Variants in BFSP2 observed in about 807,000 individuals in gnomAD.
BFSP2 encodes beaded filament structural protein 2, also known as phakinin.
In BFSP2, 38 loss-of-function variants were observed where a neutral mutation model predicts 44.9. The observed-to-expected ratio is 0.85, with a 90% confidence interval of 0.65 to 1.11. BFSP2 has a LOEUF of 1.11. Ranked by LOEUF, BFSP2 falls within the 50% of genes least tolerant of loss-of-function variation. BFSP2 has a pLI of 0.00. For missense variants in BFSP2, 525 were observed against 533.0 expected (o/e 0.99, Z 0.15); for synonymous variants, 197 against 209.9 (o/e 0.94, Z 0.53).
At chr3:133,432,991 C>T (rs145234493) in intron 1 of BFSP2, among the ~76,000 whole-genome samples, 2,661 of 152,254 alleles carry the variant, frequency 0.017, 66 homozygotes, top group Non-Finnish European at 0.026. Flanking sequence ...CTATGCTCAA[C>T]TCACTCTCTA....
chr3:133,425,764 TGGGAAAGGGAAA>T (rs1375103131), intron 1 of BFSP2, among the ~76,000 whole-genome samples: 1 of 137,922 alleles, frequency 7.3e-6, no homozygotes, highest in Non-Finnish European at 1.5e-5. Context: ...GACAAAGGGA[TGGGAAAGGGAAA>T]GGGAAAGGGA....
intron 1 of BFSP2, chr3:133,412,310 T>C (rs2073462509): frequency 6.6e-6 from 1 of 152,212 alleles, no homozygotes; most frequent in Non-Finnish European, 1.5e-5. Context: ...CCTCATCGGG[T>C]TGGTGCAGGA....
intron 1 of BFSP2, among the ~76,000 whole-genome samples, chr3:133,423,434 AGTAATCTGC>A (rs1346864803): frequency 6.6e-6 from 1 of 152,118 alleles, no homozygotes; most frequent in Non-Finnish European, 1.5e-5. Context: ...AAACTGTGGT[AGTAATCTGC>A]GTCATCATTT....
chr3:133,424,140 C>T (rs1004923327), intron 1 of BFSP2, among the ~76,000 whole-genome samples: 21 of 151,564 alleles, frequency 1.4e-4, no homozygotes, highest in Non-Finnish European at 2.8e-4. Flanking sequence ...CAACCTCCGC[C>T]GCCCGGGTTC....
chr3:133,409,250 G>GTGTGTA (rs1301889373), intron 1 of BFSP2, among the ~76,000 whole-genome samples: 1 of 151,908 alleles, frequency 6.6e-6, no homozygotes, highest in Non-Finnish European at 1.5e-5. Context: ...GTGTGTGTGT[G>GTGTGTA]TGTGTGTACT....
chr3:133,402,938 C>A (rs2073374070), intron 1 of BFSP2, among the ~76,000 whole-genome samples: 1 of 152,168 alleles, frequency 6.6e-6, no homozygotes, highest in Non-Finnish European at 1.5e-5. Flanking sequence ...TCACCATGCC[C>A]AGCCTGGAGT....
At chr3:133,449,982 AAAGGAAGGAAGG>A (rs71136469) in intron 3 of BFSP2, among the ~76,000 whole-genome samples, 2,285 of 86,318 alleles carry the variant, frequency 0.026, 94 homozygotes, top group African/African-American at 0.1. Flanking sequence ...GGAAAGAAGG[AAAGGAAGGAAGG>A]AAGGAAGGAA....
chr3:133,436,210 C>A (rs1302877066), intron 1 of BFSP2, among the ~76,000 whole-genome samples: 1 of 151,292 alleles, frequency 6.6e-6, no homozygotes, highest in Non-Finnish European at 1.5e-5. Context: ...CCTGTAGTCC[C>A]AGCTACTGGG....
chr3:133,417,800 C>G (rs1047390135), intron 1 of BFSP2, among the ~76,000 whole-genome samples: 1 of 140,030 alleles, frequency 7.1e-6, no homozygotes, highest in Non-Finnish European at 1.5e-5. Context: ...TAGACCCTAT[C>G]CTCTCCATTT....
At chr3:133,420,554 C>G (rs894526754) in intron 1 of BFSP2, among the ~76,000 whole-genome samples, 1 of 152,164 alleles carries the variant, frequency 6.6e-6, no homozygotes, top group Non-Finnish European at 1.5e-5. Context: ...ATTCTGTAAA[C>G]GCTCGTGCAT....
At chr3:133,445,169 T>A (rs72982206) in intron 1 of BFSP2, among the ~76,000 whole-genome samples, 17,387 of 152,210 alleles carry the variant, frequency 0.11, 1,010 homozygotes, top group Middle Eastern at 0.19. Context: ...GTGTTTGAAA[T>A]GAGCATTATA....
chr3:133,417,124 T>G (rs2073543226), intron 1 of BFSP2, among the ~76,000 whole-genome samples: 1 of 98,846 alleles, frequency 1.0e-5, no homozygotes, highest in Non-Finnish European at 2.0e-5. Context: ...CCTTCTCCCC[T>G]CTACTTACCC....
At chr3:133,431,356 G>A (rs981338995) in intron 1 of BFSP2, among the ~76,000 whole-genome samples, 2 of 152,070 alleles carry the variant, frequency 1.3e-5, no homozygotes, top group African/African-American at 2.4e-5. Flanking sequence ...CACCTGAACC[G>A]CAGCAGCCAG....
intron 1 of BFSP2, among the ~76,000 whole-genome samples, chr3:133,424,222 T>TGTGTGTG (rs1553778829): frequency 6.0e-4 from 65 of 108,984 alleles, no homozygotes; most frequent in East Asian, 4.7e-3. Flanking sequence ...ATTTTTTTTT[T>TGTGTGTG]TTTTTTTTTT....
intron 1 of BFSP2, among the ~76,000 whole-genome samples, chr3:133,441,860 G>A (rs377149678): frequency 6.6e-6 from 1 of 152,224 alleles, no homozygotes; most frequent in East Asian, 1.9e-4. Context: ...AAGGGGCAGA[G>A]TAAAGGGAAG....
chr3:133,441,089 G>C (rs1283332022), intron 1 of BFSP2, among the ~76,000 whole-genome samples: 1 of 144,592 alleles, frequency 6.9e-6, no homozygotes, highest in East Asian at 2.0e-4. Context: ...GCCCAGGCTA[G>C]AGTGCAATGG....
At chr3:133,474,130 C>T (rs1224102170) in intron 6 of BFSP2, among the ~76,000 whole-genome samples, 1 of 152,148 alleles carries the variant, frequency 6.6e-6, no homozygotes, top group African/African-American at 2.4e-5. Context: ...TATACATCAG[C>T]CTTGGGCCTT....
intron 1 of BFSP2, among the ~76,000 whole-genome samples, chr3:133,431,881 AG>A (rs2073724723): frequency 6.6e-6 from 1 of 152,040 alleles, no homozygotes; most frequent in Non-Finnish European, 1.5e-5. Context: ...TTCCCTTATT[AG>A]GCCGAGACAC....
intron 1 of BFSP2, among the ~76,000 whole-genome samples, chr3:133,408,094 A>T (rs1305422194): frequency 2.0e-5 from 3 of 152,184 alleles, no homozygotes; most frequent in African/African-American, 7.2e-5. Context: ...TAAATGACAA[A>T]CTAGAAAAAA....
Sources: allele counts gnomAD v4.1 joint callset (sites outside exome capture counted in the v4.1 genomes callset), GRCh38; gene constraint gnomAD v4.1.1; transcripts MANE v1.5; gene names NCBI Gene and HGNC (gene_info 2026-07-23, HGNC 2026-07-21).